RPA3: variants seen among roughly 807,000 people sequenced by gnomAD.
The protein encoded by RPA3 is replication protein A 14 kDa subunit.
A neutral mutation model predicts 13.7 loss-of-function variants in RPA3; 24 were observed. The ratio of observed to expected loss-of-function variants is 1.75; its 90% CI spans 1.27 to 2.46. RPA3 has a LOEUF of 2.46. Ranked by LOEUF, RPA3 falls within the 30% of genes most tolerant of loss-of-function variation. RPA3 has a pLI of 0.00. For synonymous variants in RPA3, 59 were observed against 51.2 expected (o/e 1.15, Z -0.65); for missense variants, 183 against 151.0 (o/e 1.21, Z -1.11).
intron 4 of RPA3, among the ~76,000 whole-genome samples, chr7:7,653,718 G>T (rs1216992601): frequency 6.6e-6 from 1 of 152,182 alleles, no homozygotes; most frequent in African/African-American, 2.4e-5. Flanking sequence ...GCTGCTGAGT[G>T]GTTAATGTTG....
intron 2 of RPA3, among the ~76,000 whole-genome samples, chr7:7,691,288 T>C (rs1262440624): frequency 1.3e-5 from 2 of 152,228 alleles, no homozygotes; most frequent in Non-Finnish European, 2.9e-5. Flanking sequence ...AAAAAACTTG[T>C]AAACAACTGA....
chr7:7,654,752 A>G (rs1304078485), intron 4 of RPA3, among the ~76,000 whole-genome samples: 1 of 151,954 alleles, frequency 6.6e-6, no homozygotes, highest in Admixed American at 6.5e-5. Context: ...AAAAATACAA[A>G]AATTAGCCAG....
At chr7:7,661,785 C>G (rs1414905572) in intron 4 of RPA3, among the ~76,000 whole-genome samples, 1 of 152,146 alleles carries the variant, frequency 6.6e-6, no homozygotes, top group Non-Finnish European at 1.5e-5. Flanking sequence ...ACATGGGTGT[C>G]AGGGACCCAC....
intron 4 of RPA3, among the ~76,000 whole-genome samples, chr7:7,649,048 C>T (rs1179924913): frequency 6.6e-6 from 1 of 151,098 alleles, no homozygotes; most frequent in Non-Finnish European, 1.5e-5. Context: ...ATCCCAGCTA[C>T]TCAGGAGGCT....
At chr7:7,687,967 C>T (rs1780079506) in intron 2 of RPA3, among the ~76,000 whole-genome samples, 1 of 152,154 alleles carries the variant, frequency 6.6e-6, no homozygotes, top group South Asian at 2.1e-4. Flanking sequence ...AACTGTAACC[C>T]CTGAAATAGC....
Position 7,687,228 on chromosome 7 carries a change from C to G in RPA3, c.-927G>C, listed in dbSNP as rs554784700. On this transcript the variant is annotated splice_region_variant and 5_prime_UTR_variant, in exon 3 of 8. An upstream start codon of the reference 5' UTR is lost. Transcript: ENST00000223129. ...GTGTGATTTTGAGCAGGCTACTTAC[C>G]ATTTCAGCCTCATTTTCCTTTTGTG... 1 of 152,150 alleles carries G rather than the reference C, an allele frequency of 6.6e-6. No individual in the cohort carries two copies. Among genetic ancestry groups the G allele is most frequent in the Admixed American group, 6.5e-5 (1 of 15,268 alleles). 9.4% of individuals were successfully genotyped at this position (152,150 alleles called of 1,614,324 possible).
At chr7:7,670,985 C>G (rs978132873) in intron 4 of RPA3, among the ~76,000 whole-genome samples, 2 of 152,118 alleles carry the variant, frequency 1.3e-5, no homozygotes, top group Non-Finnish European at 2.9e-5. Flanking sequence ...GAATTTTTTC[C>G]TTTTCGGTAA....
intron 1 of RPA3, among the ~76,000 whole-genome samples, chr7:7,716,809 G>A (rs1001899307): frequency 3.9e-5 from 6 of 152,174 alleles, no homozygotes; most frequent in Non-Finnish European, 5.9e-5. Context: ...AGGCGGGCAT[G>A]GTGGCGGGCG....
At chr7:7,694,706 A>G (rs1046731555) in intron 2 of RPA3, among the ~76,000 whole-genome samples, 1 of 152,154 alleles carries the variant, frequency 6.6e-6, no homozygotes. Context: ...GTTGTTGTAA[A>G]TGACAGGATC....
chr7:7,655,628 A>G (rs1216494236), intron 4 of RPA3, among the ~76,000 whole-genome samples: 2 of 152,208 alleles, frequency 1.3e-5, no homozygotes, highest in Non-Finnish European at 2.9e-5. Flanking sequence ...ATAAGGTTAT[A>G]TTAGAGAAGT....
rs534110627 is a variant in RPA3 at position 7,687,267 on chromosome 7, A to G, written c.-966T>C. 6.6e-6 allele frequency: 1 copy of G among 152,212 alleles called. No homozygotes were observed. 9.4% of individuals were successfully genotyped at this position (152,212 alleles called of 1,614,324 possible). The stretch of plus-strand genomic sequence containing the variant: ...TTTCCTTTTGTGTGAAATGTTAATG[A>G]TATCATGGTGTCTTCATTACATTGT... On this transcript the variant is annotated 5_prime_UTR_variant, in exon 3 of 8. Coordinates refer to ENST00000223129, the MANE Select transcript of RPA3 (RefSeq NM_002947.5).
intron 1 of RPA3, among the ~76,000 whole-genome samples, chr7:7,716,039 G>A (rs897582283): frequency 6.6e-6 from 1 of 152,130 alleles, no homozygotes; most frequent in African/African-American, 2.4e-5. Context: ...ACTAATATAT[G>A]TCAGGCATAT....
intron 4 of RPA3, among the ~76,000 whole-genome samples, chr7:7,670,020 G>T (rs1459501691): frequency 6.6e-6 from 1 of 152,162 alleles, no homozygotes; most frequent in East Asian, 1.9e-4. Flanking sequence ...CTATGTAACA[G>T]ACTGCTGCAG....
At chr7:7,658,350 G>T (rs894580225) in intron 4 of RPA3, among the ~76,000 whole-genome samples, 1 of 152,204 alleles carries the variant, frequency 6.6e-6, no homozygotes, top group Non-Finnish European at 1.5e-5. Flanking sequence ...ATACTGTGTT[G>T]AATAGGAGTG....
intron 2 of RPA3, among the ~76,000 whole-genome samples, chr7:7,696,376 G>C (rs1182311042): frequency 6.6e-6 from 1 of 151,536 alleles, no homozygotes; most frequent in African/African-American, 2.4e-5. Context: ...TAAAAACTGT[G>C]AAATCATATT....
At chr7:7,713,342 T>TCAAAA (rs1038529412) in intron 2 of RPA3, among the ~76,000 whole-genome samples, 5 of 151,362 alleles carry the variant, frequency 3.3e-5, no homozygotes, top group Non-Finnish European at 5.9e-5. Flanking sequence ...AGACTCCATC[T>TCAAAA]CAAAACAAAA....
At chr7:7,638,033 G>C (rs1784894451) in intron 6 of RPA3, 61 bp from the exon 7 acceptor site, 5 of 1,296,058 alleles carry the variant, frequency 3.9e-6, no homozygotes, top group Non-Finnish European at 5.6e-6. Flanking sequence ...CAATTATTTT[G>C]GAAAACTGTT....
At chr7:7,696,920 A>G (rs936367544) in intron 2 of RPA3, among the ~76,000 whole-genome samples, 3 of 151,750 alleles carry the variant, frequency 2.0e-5, no homozygotes, top group Non-Finnish European at 2.9e-5. Context: ...TCACAGATTT[A>G]TTGATTTTTC....
intron 2 of RPA3, among the ~76,000 whole-genome samples, chr7:7,687,818 G>A (rs1780075881): frequency 6.6e-6 from 1 of 152,154 alleles, no homozygotes; most frequent in Non-Finnish European, 1.5e-5. Flanking sequence ...CTGATTTAAA[G>A]GAGTAATTGC....
Sources: allele counts gnomAD v4.1 joint callset (sites outside exome capture counted in the v4.1 genomes callset), GRCh38; gene constraint gnomAD v4.1.1; transcripts MANE v1.5; gene names NCBI Gene and HGNC (gene_info 2026-07-23, HGNC 2026-07-21).